The following RASAL3 variants were observed in gnomAD, a reference collection of about 807,000 sequenced individuals.
The protein encoded by RASAL3 is RAS protein activator like-3.
Under a neutral mutation model 105.5 loss-of-function variants are expected in RASAL3, and 74 were observed. The observed-to-expected ratio is 0.70, with a 90% CI of 0.58 to 0.85. RASAL3 has a LOEUF of 0.85. Among genes scored for constraint, RASAL3 ranks in the 40% least tolerant of loss-of-function variants. The pLI is 0.00. For missense variants in RASAL3, 1,352 were observed against 1,392.0 expected (o/e 0.97, Z 0.46); for synonymous variants, 579 against 591.6 (o/e 0.98, Z 0.31).
chr19:15,453,253 G>A lies in RASAL3; in HGVS notation c.2524C>T (p.Leu842=). 6.3e-7 allele frequency: 1 copy of A among 1,578,616 alleles called. No homozygotes were observed. Among genetic ancestry groups the A allele is most frequent in the Non-Finnish European group, 8.6e-7 (1 of 1,164,596 alleles). ...AGPWPRPKGS[L]SMGPAPRARP... ...GCGCGGGGCGCTGGTCCCATGCTCA[G>A]GGAGCCTTTGGGTCGCGGCCAGGGC... Residue 842 remains leucine, a synonymous_variant, in exon 15 of 18, where the codon CTG becomes TTG. Transcript: ENST00000343625. This position sits in a 1 kb window ranked among gnomAD's most constrained non-coding sequence, Gnocchi z 4.2.
Position 15,464,360 on chromosome 19 carries a change from G to A in RASAL3, c.-2C>T. On this transcript the variant is annotated 5_prime_UTR_variant, in exon 2 of 18. Transcript: ENST00000343625. ...CCGGCTTGGCGACGGTGGGTCCATGGTTGGGGGGGGGGGTCTCCTGGGGGA... is the reference window on the plus strand; with the variant it reads ...CCGGCTTGGCGACGGTGGGTCCATGATTGGGGGGGGGGGTCTCCTGGGGGA... 15 of 1,526,818 alleles carry A rather than the reference G, an allele frequency of 9.8e-6. No homozygotes were observed. The highest frequency in any genetic ancestry group is 1.3e-5 in the Non-Finnish European group (15 of 1,139,506). The allele number at this position is 1,526,818 out of a possible 1,614,324, so 94.6% of individuals were successfully genotyped here.
At position 15,457,188 on chromosome 19, in the gene RASAL3, C is replaced by T; in HGVS notation, c.1431+104G>A. 1 of 985,752 alleles carries T rather than the reference C, an allele frequency of 1.0e-6. No individual in the cohort carries two copies. Among genetic ancestry groups the T allele is most frequent in the Non-Finnish European group, 1.3e-6 (1 of 761,224 alleles). The allele number at this position is 985,752 out of a possible 1,614,324, so 61.1% of individuals were successfully genotyped here. ...CCCCTCACACCCCTTCAAGGTGTCT[C>T]CCCCATTACAGGTGCAACTCAGGTC... On this transcript the variant is annotated intron_variant, in intron 9 of 17. Transcript: ENST00000343625. This position sits in a 1 kb window ranked among gnomAD's most constrained non-coding sequence, Gnocchi z 8.6.
In RASAL3 at chr19:15,451,761, C is replaced by T. The variant is rs2145443430; in HGVS notation, c.*34G>A. On this transcript the variant is annotated 3_prime_UTR_variant, in exon 18 of 18. Coordinates refer to ENST00000343625, the MANE Select transcript of RASAL3 (RefSeq NM_022904.3). ...CCCCTAAGATGGCTATCTCTCTGCT[C>T]CCAGACCACGTGTGATGAGGCAGGA... 1 of 1,567,090 alleles carries T rather than the reference C, an allele frequency of 6.4e-7. No homozygotes were observed. Among genetic ancestry groups the T allele is most frequent in the Non-Finnish European group, 8.7e-7 (1 of 1,149,664 alleles).
Position 15,452,749 on chromosome 19 carries a change from C to G in RASAL3, c.2737G>C (p.Glu913Gln). 6.4e-7 allele frequency: 1 copy of G among 1,561,214 alleles called. No individual in the cohort carries two copies. The highest frequency in any genetic ancestry group is 8.7e-7 in the Non-Finnish European group (1 of 1,152,364). The change falls in exon 16 of 18, where the codon GAG (glutamate) becomes CAG (glutamine). Residue 913 changes from glutamate to glutamine, a missense_variant. Glu to Gln is a conservative substitution (Grantham distance 29, BLOSUM62 2). This residue lies in a region of RASAL3 where 920 missense variants were observed against 919.6 expected (regional missense o/e 1.00). Coordinates refer to ENST00000343625, the MANE Select transcript of RASAL3 (RefSeq NM_022904.3). ...EEQKVLSRLV[E>Q]SLSTQIRALT... ...GCCCGGATTTGGGTGCTCAGCGACT[C>G]CACGAGGCGGGACAGCACTTTCTGC...
Position 15,454,683 on chromosome 19 carries a change from G to A in RASAL3, c.1932C>T (p.Val644=), listed in dbSNP as rs1214680292. The A allele has an allele frequency of 1.2e-6, 2 of 1,609,736 alleles. No individual in the cohort carries two copies. The highest frequency in any genetic ancestry group is 1.3e-5 in the African/African-American group (1 of 74,974). The stretch of plus-strand genomic sequence containing the variant: ...GGGCACGGTTGGCGAGGTTCTGGAT[G>A]ACCTTGGCAATCAGTGTGAGGGTGC... ...PARTLTLIAK[V]IQNLANRAPF... Residue 644 remains valine, a synonymous_variant, in exon 12 of 18, where the codon GTC becomes GTT. Coordinates refer to ENST00000343625, the MANE Select transcript of RASAL3 (RefSeq NM_022904.3).
intron 5 of RASAL3, 78 bp from the exon 6 acceptor site, chr19:15,460,336 G>T (rs1599748424): frequency 1.4e-6 from 2 of 1,394,110 alleles, no homozygotes; most frequent in Non-Finnish European, 2.0e-6. Flanking sequence ...CATCCCAGAG[G>T]ATCTACTGGT....
chr19:15,454,395 G>A lies in RASAL3; in HGVS notation c.2126C>T (p.Ala709Val). The A allele has an allele frequency of 1.1e-5, 17 of 1,613,694 alleles. No individual in the cohort carries two copies. The highest frequency in any genetic ancestry group is 1.4e-5 in the Non-Finnish European group (17 of 1,179,764). ...CTCAGCAAAAATTGTACAGAGCTGG[G>A]CATGCAGGACAGCTAACTGGAGGGC... ...DLALQLAVLH[A>V]QLCTIFAELD... The change falls in exon 13 of 18, where the codon GCC (alanine) becomes GTC (valine). Residue 709 changes from alanine to valine, a missense_variant. Coordinates refer to ENST00000343625, the MANE Select transcript of RASAL3 (RefSeq NM_022904.3).
At chr19:15,459,667 G>C (rs1970448014) in intron 6 of RASAL3, among the ~76,000 whole-genome samples, 1 of 151,228 alleles carries the variant, frequency 6.6e-6, no homozygotes, top group South Asian at 2.1e-4. Context: ...CTCCCCAGTA[G>C]GTGGGACTAC....
intron 16 of RASAL3, 180 bp from the exon 17 acceptor site, chr19:15,452,288 A>C (rs1970175162): frequency 1.5e-6 from 1 of 649,494 alleles, no homozygotes; most frequent in Admixed American, 2.3e-5. Flanking sequence ...GAATGGTTGG[A>C]ATGACAGGAC....
Position 15,453,229 on chromosome 19 carries a change from C to T in RASAL3, c.2548G>A (p.Ala850Thr). 1 of 1,599,586 alleles carries T rather than the reference C, an allele frequency of 6.3e-7. No homozygotes were observed. Among genetic ancestry groups the T allele is most frequent in the Non-Finnish European group, 8.5e-7 (1 of 1,174,284 alleles). The change falls in exon 15 of 18, where the codon GCC becomes ACC. Residue 850 changes from alanine (A) to threonine (T), a missense_variant. By Grantham distance (58) the Ala-to-Thr change is moderately conservative. Around this residue, in one of 3 missense-constraint regions of RASAL3, gnomAD observed 920 missense variants for 919.6 expected, o/e 1.00. Coordinates refer to ENST00000343625, the MANE Select transcript of RASAL3 (RefSeq NM_022904.3). The surrounding 1 kb of genome is among the most constrained non-coding windows in gnomAD (Gnocchi z 4.2). ...GSLSMGPAPRARPWTRDSASL... is the reference protein window; with the variant it reads ...GSLSMGPAPRTRPWTRDSASL... Reference sequence around the variant, plus strand: ...GCGGAGTCCCGGGTCCAAGGCCGGGCGCGGGGCGCTGGTCCCATGCTCAGG... The same window carrying T: ...GCGGAGTCCCGGGTCCAAGGCCGGGTGCGGGGCGCTGGTCCCATGCTCAGG...
chr19:15,461,411 G>C (rs564201575), intron 3 of RASAL3, 60 bp downstream of exon 3: 70 of 1,530,886 alleles, frequency 4.6e-5, no homozygotes, highest in Non-Finnish European at 6.2e-5. Flanking sequence ...CCCTGCCTCT[G>C]TTCTGCCCTC....
rs59747859 is a variant in RASAL3, at chr19:15,453,762, A to ATT, written c.2280-267_2280-266dup. On this transcript the variant is annotated intron_variant, in intron 14 of 17. Transcript: ENST00000343625. The surrounding 1 kb of genome is among the most constrained non-coding windows in gnomAD (Gnocchi z 4.2). Reference sequence around the variant, plus strand: ...CAGCACATGCCACTATACCCAGGTAATTTTTTTTTTTTTTGGTAGAGATGG... The same window carrying ATT: ...CAGCACATGCCACTATACCCAGGTAATTTTTTTTTTTTTTTTGGTAGAGATGG... Among the ~76,000 whole-genome samples, 5 of 142,722 alleles carry ATT rather than the reference A, an allele frequency of 3.5e-5. No homozygotes were observed. Among genetic ancestry groups the ATT allele is most frequent in the East Asian group, 2.0e-4 (1 of 4,902 alleles). 93.6% of individuals were successfully genotyped at this position (142,722 alleles called of 152,430 possible).
intron 6 of RASAL3, 80 bp from the exon 7 acceptor site, chr19:15,458,735 G>C: frequency 6.6e-7 from 1 of 1,524,280 alleles, no homozygotes; most frequent in Non-Finnish European, 8.8e-7. Flanking sequence ...AGGAAGGCCA[G>C]GAAGGACTTC....
In RASAL3 at chr19:15,464,366, G is replaced by C; in HGVS notation, c.-8C>G. On this transcript the variant is annotated 5_prime_UTR_variant, in exon 2 of 18. Transcript: ENST00000343625. ...TGGCGACGGTGGGTCCATGGTTGGGGGGGGGGGTCTCCTGGGGGACGAGAG... is the reference window on the plus strand; with the variant it reads ...TGGCGACGGTGGGTCCATGGTTGGGCGGGGGGGTCTCCTGGGGGACGAGAG... 1.3e-6 allele frequency: 2 copies of C among 1,577,550 alleles called. No homozygotes were observed. Among genetic ancestry groups the C allele is most frequent in the Non-Finnish European group, 1.7e-6 (2 of 1,156,354 alleles).
At position 15,453,798 on chromosome 19, in the gene RASAL3, T is replaced by C. The variant is rs558643179; in HGVS notation, c.2280-301A>G. Among the ~76,000 whole-genome samples the C allele has an allele frequency of 3.3e-5, 5 of 151,674 alleles. No individual in the cohort carries two copies. Among genetic ancestry groups the C allele is most frequent in the African/African-American group, 1.2e-4 (5 of 41,264 alleles). On this transcript the variant is annotated intron_variant, in intron 14 of 17. Transcript: ENST00000343625. This position sits in a 1 kb window ranked among gnomAD's most constrained non-coding sequence, Gnocchi z 4.2. ...TTTTGGTAGAGATGGGGTCTCCCTA[T>C]GTTGCCCAGGCTTGTCTTAAGTTCC...
In RASAL3 at chr19:15,452,030, A is replaced by G. The variant is rs753923730; in HGVS notation, c.2892+15T>C. 6.2e-7 allele frequency: 1 copy of G among 1,613,962 alleles called. No individual in the cohort carries two copies. The highest frequency in any genetic ancestry group is 1.3e-5 in the African/African-American group (1 of 75,072). ...ACCGCCCAGACCTGCCCCAGGGCTC[A>G]GATGGCAATCTCACCAGGTTTTTCA... On this transcript the variant is annotated intron_variant, in intron 17 of 17. Coordinates refer to ENST00000343625, the MANE Select transcript of RASAL3 (RefSeq NM_022904.3).
At chr19:15,461,379 T>C in intron 3 of RASAL3, 83 bp from the exon 4 acceptor site, 3 of 1,525,742 alleles carry the variant, frequency 2.0e-6, no homozygotes, top group Non-Finnish European at 2.7e-6. Flanking sequence ...GGCAGACACC[T>C]TCCCATTATC....
chr19:15,460,164 G>T, intron 6 of RASAL3, 39 bp downstream of exon 6: 3 of 1,561,200 alleles, frequency 1.9e-6, no homozygotes, highest in Non-Finnish European at 8.7e-7. Flanking sequence ...AGGGGCCAGT[G>T]TTGAACCCCA....
Position 15,453,492 on chromosome 19 carries a change from G to A in RASAL3, c.2285C>T (p.Ser762Phe). 1 of 1,525,708 alleles carries A rather than the reference G, an allele frequency of 6.6e-7. No individual in the cohort carries two copies. Among genetic ancestry groups the A allele is most frequent in the Non-Finnish European group, 8.7e-7 (1 of 1,146,512 alleles). 94.5% of individuals were successfully genotyped at this position (1,525,708 alleles called of 1,614,324 possible). The change falls in exon 15 of 18, where the codon TCC becomes TTC. Residue 762 changes from serine to phenylalanine, a missense_variant. By Grantham distance (155) the Ser-to-Phe change is radical. Transcript: ENST00000343625. This position sits in a 1 kb window ranked among gnomAD's most constrained non-coding sequence, Gnocchi z 4.2. The part of the protein sequence containing the change: ...LPPAQVHSSL[S>F]AGEKPGFLAP... Reference sequence around the variant, plus strand: ...CAGGAAGCCGGGCTTCTCCCCTGCGGAGAGGCTAGGGGTGGGATGGAGGAT... The same window carrying A: ...CAGGAAGCCGGGCTTCTCCCCTGCGAAGAGGCTAGGGGTGGGATGGAGGAT...
Sources: allele counts gnomAD v4.1 joint callset (sites outside exome capture counted in the v4.1 genomes callset), GRCh38; gene constraint gnomAD v4.1.1; regional missense constraint gnomAD v4.1.1; non-coding constraint Gnocchi (gnomAD v3.1); transcripts MANE v1.5; gene names NCBI Gene and HGNC (gene_info 2026-07-23, HGNC 2026-07-21).